SS18: variants seen among roughly 807,000 people sequenced by gnomAD.
SS18 encodes the protein SS18 subunit of BAF chromatin remodeling complex, also known as protein SSXT.
SS18 carries 28 observed loss-of-function variants against 72.5 expected under a neutral mutation model. The observed-to-expected ratio is 0.39, with a 90% confidence interval of 0.29 to 0.53. SS18 has a LOEUF of 0.53. Among genes scored for constraint, SS18 ranks in the 20% least tolerant of loss-of-function variants. The probability of loss-of-function intolerance (pLI) is 0.76; values close to 1 mark genes in which losing one functional copy is unlikely to be tolerated. For missense variants in SS18, 518 were observed against 535.3 expected (o/e 0.97, Z 0.32); for synonymous variants, 172 against 164.2 (o/e 1.05, Z -0.37).
intron 10 of SS18, among the ~76,000 whole-genome samples, chr18:26,030,442 A>G (rs1475512028): frequency 1.3e-5 from 2 of 152,132 alleles, no homozygotes; most frequent in East Asian, 1.9e-4. Flanking sequence ...TACTTATCAC[A>G]CTGTATCATA....
In SS18 at chr18:26,079,869, C is replaced by T. The variant is rs116455331; in HGVS notation, c.147-1709G>A. Among the ~76,000 whole-genome samples, 1,293 of 152,264 alleles carry T rather than the reference C, an allele frequency of 8.5e-3. 18 individuals carry two copies. The highest frequency in any genetic ancestry group is 0.03 in the African/African-American group (1,257 of 41,560). On this transcript the variant is annotated intron_variant, in intron 2 of 10. Coordinates refer to ENST00000415083, the MANE Select transcript of SS18 (RefSeq NM_001007559.3). The stretch of plus-strand genomic sequence containing the variant: ...GTGCTGGGATTACAGGCGTGAGCCA[C>T]TGTACCCAGCCGAATCCTAGCATAT...
intron 3 of SS18, among the ~76,000 whole-genome samples, chr18:26,061,597 A>G (rs2054125104): frequency 6.6e-6 from 1 of 152,092 alleles, no homozygotes; most frequent in Non-Finnish European, 1.5e-5. Flanking sequence ...CTAACAACTA[A>G]TTTTTCATCA....
At chr18:26,045,090 T>C (rs1389754512) in intron 5 of SS18, among the ~76,000 whole-genome samples, 1 of 152,222 alleles carries the variant, frequency 6.6e-6, no homozygotes, top group Non-Finnish European at 1.5e-5. Flanking sequence ...ATAGCTATCA[T>C]ACTATTTAAA....
Position 26,035,062 on chromosome 18 carries a change from G to A in SS18, c.1039C>T (p.Pro347Ser). 6.2e-7 allele frequency: 1 copy of A among 1,613,582 alleles called. No homozygotes were observed. The highest frequency in any genetic ancestry group is 8.5e-7 in the Non-Finnish European group (1 of 1,179,696). The change falls in exon 9 of 11, where the codon CCC becomes TCC. Residue 347 changes from proline (P) to serine (S), a missense_variant. Coordinates refer to ENST00000415083, the MANE Select transcript of SS18 (RefSeq NM_001007559.3). This position sits in a 1 kb window ranked among gnomAD's most constrained non-coding sequence, Gnocchi z 4.4. ...QGPPPQQGYPPQQQQYPGQQG... is the reference protein window; with the variant it reads ...QGPPPQQGYPSQQQQYPGQQG... ...TGCCCTGGGTACTGCTGCTGCTGGG[G>A]TGGATATCCCTGTTGTGGAGGTGGT...
chr18:26,049,436 T>C (rs1274286988), intron 5 of SS18, among the ~76,000 whole-genome samples: 1 of 152,240 alleles, frequency 6.6e-6, no homozygotes, highest in Non-Finnish European at 1.5e-5. Flanking sequence ...TAGAGCTTGT[T>C]GAATTCTAGT....
chr18:26,061,012 T>A (rs986460694), intron 3 of SS18, among the ~76,000 whole-genome samples: 3 of 149,432 alleles, frequency 2.0e-5, no homozygotes, highest in South Asian at 4.2e-4. Flanking sequence ...CTGTGATTGG[T>A]ATGTTCAAGA....
At chr18:26,023,416 C>A (rs1274922359) in intron 10 of SS18, among the ~76,000 whole-genome samples, 1 of 152,092 alleles carries the variant, frequency 6.6e-6, no homozygotes, top group African/African-American at 2.4e-5. Flanking sequence ...ATGCTCTCAT[C>A]AAATTGCTCA....
At chr18:26,090,235 C>G in intron 1 of SS18, 1 of 516,872 alleles carries the variant, frequency 1.9e-6, no homozygotes, top group Non-Finnish European at 3.4e-6. Context: ...GCCGCCCCAT[C>G]CCTAGAGAAA....
chr18:26,072,536 C>T (rs2144111415), intron 3 of SS18, among the ~76,000 whole-genome samples: 1 of 152,028 alleles, frequency 6.6e-6, no homozygotes, highest in Non-Finnish European at 1.5e-5. Flanking sequence ...AATGATGTTG[C>T]AGGCGGCGCG....
At chr18:26,037,012 T>C (rs577395587) in intron 7 of SS18, among the ~76,000 whole-genome samples, 11 of 152,248 alleles carry the variant, frequency 7.2e-5, no homozygotes, top group Admixed American at 1.3e-4. Flanking sequence ...CAGAAAAAGT[T>C]TGCCAATTCC....
chr18:26,040,951 A>G (rs992355908), intron 5 of SS18, among the ~76,000 whole-genome samples: 7 of 152,188 alleles, frequency 4.6e-5, no homozygotes, highest in African/African-American at 1.7e-4. Flanking sequence ...CATTTCCTAC[A>G]AACTCCTAAC....
intron 3 of SS18, among the ~76,000 whole-genome samples, chr18:26,060,771 CAAAAAAAAAAAAAAAAAAAAAAAAA>C (rs60999827): frequency 7.6e-5 from 3 of 39,606 alleles, no homozygotes; most frequent in Non-Finnish European, 1.1e-4. Context: ...CTAAAAATAC[CAAAAAAAAAAAAAAAAAAAAAAAAA>C]AAAAAAAAAA....
chr18:26,087,969 C>T (rs940048888), intron 1 of SS18, among the ~76,000 whole-genome samples: 2 of 152,112 alleles, frequency 1.3e-5, no homozygotes, highest in African/African-American at 2.4e-5. Flanking sequence ...ACAATCTTTT[C>T]AATAACTGAG....
At chr18:26,054,711 T>C (rs1192239030) in intron 4 of SS18, among the ~76,000 whole-genome samples, 1 of 151,720 alleles carries the variant, frequency 6.6e-6, no homozygotes, top group African/African-American at 2.4e-5. Flanking sequence ...GAAATACACA[T>C]GCATTATTTT....
chr18:26,039,237 T>A, intron 6 of SS18, 52 bp downstream of exon 6: 2 of 1,361,814 alleles, frequency 1.5e-6, no homozygotes, highest in East Asian at 2.6e-5. Flanking sequence ...GTCATTAAAA[T>A]TTAAAGCCTT....
At chr18:26,030,741 A>G (rs993410029) in intron 10 of SS18, among the ~76,000 whole-genome samples, 9 of 152,178 alleles carry the variant, frequency 5.9e-5, no homozygotes, top group Non-Finnish European at 1.2e-4. Flanking sequence ...TGGGTTGAGA[A>G]GTAAGAGCTA....
intron 10 of SS18, among the ~76,000 whole-genome samples, chr18:26,025,821 C>T (rs2053436044): frequency 6.6e-6 from 1 of 151,442 alleles, no homozygotes; most frequent in African/African-American, 2.4e-5. Context: ...TCTATGAAAC[C>T]AGTGCTACCT....
chr18:26,090,649 G>T, upstream of SS18: 1 of 1,422,800 alleles, frequency 7.0e-7, no homozygotes, highest in Non-Finnish European at 9.6e-7. Flanking sequence ...CGGCCTCTCG[G>T]GCTGAACCAC....
intron 2 of SS18, chr18:26,079,264 C>A (rs2054474710): frequency 1.3e-5 from 2 of 152,154 alleles, no homozygotes; most frequent in East Asian, 3.8e-4. Flanking sequence ...TGTAATCTTA[C>A]CTATGAATTA....
Sources: gnomAD v4.1 joint callset for allele counts (sites outside exome capture counted in the v4.1 genomes callset) on GRCh38, gnomAD v4.1.1 for gene constraint, Gnocchi (gnomAD v3.1) non-coding constraint, MANE v1.5 for transcripts, NCBI Gene and HGNC (gene_info 2026-07-23, HGNC 2026-07-21) for gene names.